The following RMDN2 variants were observed in gnomAD, a reference collection of about 807,000 sequenced individuals.
RMDN2 encodes the protein regulator of microtubule dynamics 2.
Under a neutral mutation model 52.8 loss-of-function variants are expected in RMDN2, and 61 were observed. The observed-to-expected ratio is 1.16, with a 90% CI of 0.94 to 1.43. The LOEUF is 1.43. Among genes scored for constraint, RMDN2 ranks in the 40% most tolerant of loss-of-function variants. The probability of loss-of-function intolerance (pLI) is 0.00; values close to 1 mark genes in which losing one functional copy is unlikely to be tolerated. For synonymous variants in RMDN2, 180 were observed against 153.1 expected (o/e 1.18, Z -1.30); for missense variants, 592 against 475.3 (o/e 1.25, Z -2.28).
At chr2:37,962,171 A>G (rs182003738) in intron 2 of RMDN2, among the ~76,000 whole-genome samples, 8 of 152,330 alleles carry the variant, frequency 5.3e-5, no homozygotes, top group African/African-American at 1.2e-4. Flanking sequence ...CACAAGGGTC[A>G]GGGACTCACT....
chr2:37,943,112 C>A (rs1170031986), intron 2 of RMDN2, among the ~76,000 whole-genome samples: 5 of 152,188 alleles, frequency 3.3e-5, no homozygotes, highest in Admixed American at 1.3e-4. Context: ...CCCTGGAAAG[C>A]CGTTCGCGTT....
chr2:38,007,808 T>A (rs565872693), intron 10 of RMDN2, among the ~76,000 whole-genome samples: 23 of 152,352 alleles, frequency 1.5e-4, no homozygotes, highest in African/African-American at 5.5e-4. Context: ...AGGGTGTCAA[T>A]CTTAGATCTT....
intron 10 of RMDN2, among the ~76,000 whole-genome samples, chr2:38,014,446 G>C (rs1178957878): frequency 6.6e-6 from 1 of 152,128 alleles, no homozygotes; most frequent in Non-Finnish European, 1.5e-5. Flanking sequence ...ACACTCTAAA[G>C]AAGTTTCTTA....
At chr2:38,022,880 T>A (rs985735918) in intron 10 of RMDN2, among the ~76,000 whole-genome samples, 5 of 152,196 alleles carry the variant, frequency 3.3e-5, no homozygotes, top group African/African-American at 1.2e-4. Context: ...TAAGCGTTGA[T>A]GTGTAAGTGA....
chr2:37,980,338 C>T, intron 4 of RMDN2, among the ~76,000 whole-genome samples: 1 of 152,272 alleles, frequency 6.6e-6, no homozygotes, highest in East Asian at 1.9e-4. Context: ...GAGTCTCGCT[C>T]TGTCCCCCAG....
At chr2:37,952,054 A>C in intron 2 of RMDN2, 1 of 1,613,332 alleles carries the variant, frequency 6.2e-7, no homozygotes, top group Non-Finnish European at 8.5e-7. Flanking sequence ...TTCCTCCATA[A>C]AGCTGGATTT....
intron 10 of RMDN2, among the ~76,000 whole-genome samples, chr2:38,061,339 T>C (rs984746111): frequency 1.3e-5 from 2 of 152,184 alleles, no homozygotes; most frequent in Admixed American, 1.3e-4. Flanking sequence ...ACCAGTGCCA[T>C]CGGCCAAGCC....
At chr2:37,978,552 G>A (rs1031275837) in intron 4 of RMDN2, among the ~76,000 whole-genome samples, 2 of 152,144 alleles carry the variant, frequency 1.3e-5, no homozygotes, top group Non-Finnish European at 2.9e-5. Flanking sequence ...GAGGCTGGAT[G>A]TAGTGGCTCA....
intron 10 of RMDN2, among the ~76,000 whole-genome samples, chr2:38,027,670 C>A (rs953687177): frequency 6.6e-6 from 1 of 152,078 alleles, no homozygotes; most frequent in Non-Finnish European, 1.5e-5. Context: ...TCAATAGTAA[C>A]CTTGTGCTTT....
intron 3 of RMDN2, 133 bp from the exon 4 acceptor site, chr2:37,975,079 A>T: frequency 1.5e-6 from 1 of 661,876 alleles, no homozygotes; most frequent in South Asian, 1.7e-5. Flanking sequence ...CGAAATATGC[A>T]TATACATAGA....
At chr2:37,972,692 G>A (rs767344487) in intron 2 of RMDN2, among the ~76,000 whole-genome samples, 47 of 152,300 alleles carry the variant, frequency 3.1e-4, no homozygotes, top group Non-Finnish European at 6.0e-4. Flanking sequence ...ATCCAGATGA[G>A]ATGATGGAGG....
At chr2:38,063,645 C>G (rs1286965190) in intron 10 of RMDN2, among the ~76,000 whole-genome samples, 2 of 151,864 alleles carry the variant, frequency 1.3e-5, no homozygotes, top group Admixed American at 6.6e-5. Flanking sequence ...ATTTTTGCAA[C>G]CTACTCATCT....
intron 7 of RMDN2, among the ~76,000 whole-genome samples, chr2:37,992,777 A>G (rs768910432): frequency 3.9e-5 from 6 of 152,248 alleles, no homozygotes; most frequent in Admixed American, 6.5e-5. Context: ...TAAGCATTTT[A>G]TGTGACTGTA....
At chr2:38,046,965 A>G (rs563835072) in intron 10 of RMDN2, among the ~76,000 whole-genome samples, 3 of 152,280 alleles carry the variant, frequency 2.0e-5, no homozygotes, top group East Asian at 3.9e-4. Context: ...CCTGGGCGAC[A>G]GAGTGAGATT....
intron 10 of RMDN2, among the ~76,000 whole-genome samples, chr2:38,066,565 A>G (rs754725208): frequency 1.1e-4 from 17 of 152,220 alleles, no homozygotes; most frequent in Non-Finnish European, 2.1e-4. Context: ...CTTCTGTTGC[A>G]CTGGTGCAGA....
chr2:38,022,776 A>G (rs770184218), intron 10 of RMDN2, among the ~76,000 whole-genome samples: 1 of 152,196 alleles, frequency 6.6e-6, no homozygotes, highest in Non-Finnish European at 1.5e-5. Context: ...TCATTTGATA[A>G]TATTTTTATA....
intron 2 of RMDN2, chr2:37,951,353 A>T (rs1668766536): frequency 1.2e-6 from 2 of 1,613,150 alleles, no homozygotes; most frequent in African/African-American, 1.3e-5. Context: ...GTCATAAAAC[A>T]TCTTATTCCC....
intron 2 of RMDN2, among the ~76,000 whole-genome samples, chr2:37,968,782 C>A (rs1434050101): frequency 6.6e-6 from 1 of 152,146 alleles, no homozygotes; most frequent in Non-Finnish European, 1.5e-5. Context: ...CTTCTCTAGA[C>A]CTGCTGAAAG....
intron 2 of RMDN2, among the ~76,000 whole-genome samples, chr2:37,961,654 A>C (rs982105603): frequency 6.6e-6 from 1 of 151,720 alleles, no homozygotes; most frequent in South Asian, 2.1e-4. Flanking sequence ...TAGCTCGGAG[A>C]AGTTTGTTAT....
Sources: allele counts gnomAD v4.1 joint callset (sites outside exome capture counted in the v4.1 genomes callset), GRCh38; gene constraint gnomAD v4.1.1; transcripts MANE v1.5; gene names NCBI Gene and HGNC (gene_info 2026-07-23, HGNC 2026-07-21).